NDUFA8: variants seen among roughly 807,000 people sequenced by gnomAD.
NDUFA8 encodes the protein NADH dehydrogenase [ubiquinone] 1 alpha subcomplex subunit 8.
NDUFA8 carries 16 observed loss-of-function variants against 20.9 expected under a neutral mutation model. That is an observed-to-expected ratio of 0.77 (90% confidence interval 0.52 to 1.16). NDUFA8 has a LOEUF of 1.16. Among genes scored for constraint, NDUFA8 ranks in the 50% most tolerant of loss-of-function variants. The pLI is 0.00. For synonymous variants in NDUFA8, 70 were observed against 76.1 expected (o/e 0.92, Z 0.41); for missense variants, 202 against 216.4 (o/e 0.93, Z 0.42).
chr9:122,144,423 G>A (rs201743867), intron 3 of NDUFA8, 45 bp from the exon 4 acceptor site: 2 of 1,578,328 alleles, frequency 1.3e-6, no homozygotes, highest in Non-Finnish European at 1.7e-6. Flanking sequence ...AAGCTAGGGT[G>A]GAGGAATCTG....
intron 1 of NDUFA8, among the ~76,000 whole-genome samples, chr9:122,157,845 G>T (rs1829097382): frequency 6.6e-6 from 1 of 152,292 alleles, no homozygotes; most frequent in South Asian, 2.1e-4. Context: ...ATTAAATGAA[G>T]CATTGCAGGT....
At chr9:122,148,433 T>A (rs1828940498) in intron 2 of NDUFA8, among the ~76,000 whole-genome samples, 156 bp from the exon 3 acceptor site, 1 of 152,192 alleles carries the variant, frequency 6.6e-6, no homozygotes, top group Non-Finnish European at 1.5e-5. Context: ...AACTTCAGGA[T>A]CCTCAAGTTG....
the NDUFA8 span, among the ~76,000 whole-genome samples, chr9:122,133,712 G>T: frequency 6.6e-6 from 1 of 152,242 alleles, no homozygotes; most frequent in Admixed American, 6.5e-5. Context: ...GAGCTGAAGG[G>T]TCAGGCAGCC....
chr9:122,138,862 A>AGGGGGG, the NDUFA8 span, among the ~76,000 whole-genome samples: 4 of 16,864 alleles, frequency 2.4e-4, no homozygotes, highest in Non-Finnish European at 4.0e-4. Flanking sequence ...CACCAAGAAG[A>AGGGGGG]GGTGGGGGGG....
At chr9:122,156,095 T>C (rs906984702) in intron 1 of NDUFA8, among the ~76,000 whole-genome samples, 1 of 152,228 alleles carries the variant, frequency 6.6e-6, no homozygotes, top group Non-Finnish European at 1.5e-5. Context: ...GAGCCTGAGA[T>C]GTCACCATAT....
At chr9:122,134,544 C>T in the NDUFA8 span, among the ~76,000 whole-genome samples, 1 of 152,172 alleles carries the variant, frequency 6.6e-6, no homozygotes, top group Admixed American at 6.5e-5. Flanking sequence ...TCCACCATGG[C>T]CTTCTACAGG....
chr9:122,146,726 GTC>G (rs1828909872), intron 3 of NDUFA8, among the ~76,000 whole-genome samples: 2 of 152,148 alleles, frequency 1.3e-5, no homozygotes, highest in Non-Finnish European at 2.9e-5. Flanking sequence ...GCAAAATCCT[GTC>G]TCTACTAAAA....
chr9:122,146,022 G>A (rs1301447240), intron 3 of NDUFA8, among the ~76,000 whole-genome samples: 4 of 152,076 alleles, frequency 2.6e-5, no homozygotes, highest in Non-Finnish European at 4.4e-5. Flanking sequence ...GGTGGCGGGT[G>A]CCTGTAATCC....
the NDUFA8 span, among the ~76,000 whole-genome samples, chr9:122,132,690 C>G: frequency 6.6e-6 from 1 of 152,148 alleles, no homozygotes; most frequent in Non-Finnish European, 1.5e-5. Context: ...CCAGATGACC[C>G]TAAGGGTACA....
the NDUFA8 span, among the ~76,000 whole-genome samples, chr9:122,138,610 C>T: frequency 6.6e-6 from 1 of 152,158 alleles, no homozygotes; most frequent in African/African-American, 2.4e-5. Context: ...GAGGTGATGG[C>T]TGTGCTGCAT....
Position 122,144,140 on chromosome 9 carries a change from T to C in NDUFA8, c.*101A>G. 1 of 1,594,916 alleles carries C rather than the reference T, an allele frequency of 6.3e-7. No homozygotes were observed. On this transcript the variant is annotated 3_prime_UTR_variant, in exon 4 of 4. Transcript: ENST00000373768. The stretch of plus-strand genomic sequence containing the variant: ...AAGTTAACTTTTTTGTTAATGTTTG[T>C]GATCCCGGAAAGAACACACTATCAG...
intron 2 of NDUFA8, among the ~76,000 whole-genome samples, chr9:122,149,147 T>C (rs977368918): frequency 7.9e-5 from 12 of 152,338 alleles, no homozygotes; most frequent in Admixed American, 7.8e-4. Flanking sequence ...TTACCTGTCA[T>C]ACTCCAGAAA....
At chr9:122,158,312 C>T (rs1277842206) in intron 1 of NDUFA8, among the ~76,000 whole-genome samples, 1 of 152,118 alleles carries the variant, frequency 6.6e-6, no homozygotes. Flanking sequence ...CTCTTCCCAC[C>T]ACCTCCCTTA....
intron 2 of NDUFA8, among the ~76,000 whole-genome samples, chr9:122,149,836 A>T (rs1828964306): frequency 6.6e-6 from 1 of 152,160 alleles, no homozygotes; most frequent in African/African-American, 2.4e-5. Context: ...ACACACCCGT[A>T]ATCCCAGCTA....
At chr9:122,152,646 C>T (rs1455043343) in intron 1 of NDUFA8, among the ~76,000 whole-genome samples, 2 of 151,542 alleles carry the variant, frequency 1.3e-5, no homozygotes, top group Admixed American at 1.3e-4. Flanking sequence ...ACTTCGGCCT[C>T]CGAGGCTCAA....
Position 122,148,172 on chromosome 9 carries a change from A to T in NDUFA8, c.321T>A (p.Phe107Leu). ...CCAGTTTGTCCAGCACACACTCGTC[A>T]AACTTTGCCTGCTGTTTGCGACAGT... ...FRHCRKQQAK[F>L]DECVLDKLGW... The change falls in exon 3 of 4, where the codon TTT becomes TTA. Residue 107 changes from phenylalanine to leucine, a missense_variant. By Grantham distance (22) the Phe-to-Leu change is conservative. Transcript: ENST00000373768. The T allele has an allele frequency of 2.5e-6, 4 of 1,614,182 alleles. No homozygotes were observed. Among genetic ancestry groups the T allele is most frequent in the South Asian group, 2.2e-5 (2 of 91,084 alleles).
rs913454815 is a variant in NDUFA8 at position 122,147,617 on chromosome 9, A to T, written c.381+495T>A. 3.8e-3 allele frequency among the ~76,000 whole-genome samples: 401 copies of T among 106,794 alleles called. 3 individuals are homozygous for T. The highest frequency in any genetic ancestry group is 0.015 in the African/African-American group (383 of 26,406). 70.1% of individuals were successfully genotyped at this position (106,794 alleles called of 152,430 possible). On this transcript the variant is annotated intron_variant, in intron 3 of 3. Coordinates refer to ENST00000373768, the MANE Select transcript of NDUFA8 (RefSeq NM_014222.3). ...TGCACATGCTAGAAGGCCTAAAGAA[A>T]TTTTTTTTTTTTTTTTTTTTTTTGA... is the stretch of plus-strand genomic sequence containing the variant.
At chr9:122,152,542 T>G in intron 1 of NDUFA8, 134 bp from the exon 2 acceptor site, 1 of 759,354 alleles carries the variant, frequency 1.3e-6, no homozygotes, top group Non-Finnish European at 2.1e-6. Context: ...AATTAAACAC[T>G]GTCATAATAA....
In NDUFA8 at chr9:122,144,077, T is replaced by G. The variant is rs893542384; in HGVS notation, c.*164A>C. ...CAACCGTTTCCTTTAAAAATTTTAA[T>G]GGACAGGAAATGGTATAGAATAACT... On this transcript the variant is annotated 3_prime_UTR_variant, in exon 4 of 4. Transcript: ENST00000373768. 5 of 1,475,398 alleles carry G rather than the reference T, an allele frequency of 3.4e-6. No individual in the cohort carries two copies. The highest frequency in any genetic ancestry group is 4.5e-6 in the Non-Finnish European group (5 of 1,117,498). The allele number at this position is 1,475,398 out of a possible 1,614,324, so 91.4% of individuals were successfully genotyped here.
Sources: allele counts gnomAD v4.1 joint callset (sites outside exome capture counted in the v4.1 genomes callset), GRCh38; gene constraint gnomAD v4.1.1; transcripts MANE v1.5; gene names NCBI Gene and HGNC (gene_info 2026-07-23, HGNC 2026-07-21).